Variants in SMARCC1 observed in about 807,000 individuals in gnomAD.
The protein encoded by SMARCC1 is SWI/SNF complex subunit SMARCC1.
A neutral mutation model predicts 147.4 loss-of-function variants in SMARCC1; 43 were observed. The observed-to-expected ratio is 0.29, with a 90% CI of 0.23 to 0.38. SMARCC1 has a LOEUF of 0.38. SMARCC1 is among the 10% of genes least tolerant of loss of function. SMARCC1 has a pLI of 1.00. For synonymous variants in SMARCC1, 495 were observed against 484.4 expected (o/e 1.02, Z -0.29); for missense variants, 1,119 against 1,381.1 (o/e 0.81, Z 3.01).
chr3:47,656,881 C>T (rs557074024), intron 21 of SMARCC1, among the ~76,000 whole-genome samples: 10 of 152,186 alleles, frequency 6.6e-5, no homozygotes, highest in Admixed American at 5.9e-4. Flanking sequence ...GAGCATGCCA[C>T]TAAACTCTAG....
intron 16 of SMARCC1, among the ~76,000 whole-genome samples, chr3:47,677,744 T>C (rs1419897660): frequency 6.6e-6 from 1 of 151,984 alleles, no homozygotes; most frequent in Non-Finnish European, 1.5e-5. Flanking sequence ...GGTTTCGCCA[T>C]GTTGGCCAGG....
At chr3:47,663,885 C>T in intron 19 of SMARCC1, 1 of 1,506,846 alleles carries the variant, frequency 6.6e-7, no homozygotes, top group East Asian at 2.3e-5. Context: ...TTCACGGTCA[C>T]AGCCATCTTG....
At chr3:47,662,129 G>C (rs1274068376) in intron 20 of SMARCC1, among the ~76,000 whole-genome samples, 1 of 151,784 alleles carries the variant, frequency 6.6e-6, no homozygotes, top group Non-Finnish European at 1.5e-5. Context: ...CAAGTAGCTG[G>C]GACTATAGGC....
chr3:47,769,914 T>G (rs2034886565), intron 2 of SMARCC1, among the ~76,000 whole-genome samples: 1 of 152,062 alleles, frequency 6.6e-6, no homozygotes, highest in South Asian at 2.1e-4. Flanking sequence ...CCTAAATGGA[T>G]AAGAGAGTGA....
intron 19 of SMARCC1, 73 bp from the exon 20 acceptor site, chr3:47,662,665 A>T: frequency 7.8e-7 from 1 of 1,289,750 alleles, no homozygotes. Context: ...AGTTCTTTAG[A>T]TAGCTTTTTT....
In SMARCC1 at chr3:47,709,639, T is replaced by C. The variant is rs540431697; in HGVS notation, c.918+1044A>G. On this transcript the variant is annotated intron_variant, in intron 9 of 27. Coordinates refer to ENST00000254480, the MANE Select transcript of SMARCC1 (RefSeq NM_003074.4). ...AGGTGGAGGTTGCAGTGAGCCGAGA[T>C]CGCGCCACTGCATTCCAGCCTGGGC... Among the ~76,000 whole-genome samples, 8 of 152,164 alleles carry C rather than the reference T, an allele frequency of 5.3e-5. No individual in the cohort carries two copies. In the South Asian group the frequency reaches 1.7e-3, roughly 32 times the overall value.
intron 21 of SMARCC1, among the ~76,000 whole-genome samples, chr3:47,652,588 T>C (rs1176312709): frequency 6.7e-6 from 1 of 149,160 alleles, no homozygotes; most frequent in Non-Finnish European, 1.5e-5. Flanking sequence ...TACACACTTA[T>C]GTAACCTCTC....
intron 24 of SMARCC1, among the ~76,000 whole-genome samples, chr3:47,624,309 A>C (rs1357553820): frequency 6.6e-6 from 1 of 152,112 alleles, no homozygotes; most frequent in African/African-American, 2.4e-5. Flanking sequence ...AAAAAATAAA[A>C]TAAAAGAGGC....
chr3:47,650,911 T>C (rs2033181805), intron 21 of SMARCC1, among the ~76,000 whole-genome samples: 1 of 152,238 alleles, frequency 6.6e-6, no homozygotes, highest in African/African-American at 2.4e-5. Context: ...AAATTTTCTT[T>C]GAAAATCAAA....
At chr3:47,681,783 AT>A (rs989727942) in intron 14 of SMARCC1, among the ~76,000 whole-genome samples, 11 of 152,208 alleles carry the variant, frequency 7.2e-5, no homozygotes, top group African/African-American at 2.7e-4. Flanking sequence ...TTAATGCTAT[AT>A]AAATATATAT....
In SMARCC1 at chr3:47,772,856, A is replaced by G. The variant is rs2034931362; in HGVS notation, c.276T>C (p.Phe92=). The G allele has an allele frequency of 6.8e-6, 11 of 1,613,334 alleles. No homozygotes were observed. Among genetic ancestry groups the G allele is most frequent in the Admixed American group, 1.7e-5 (1 of 59,926 alleles). ...VQLLQFQEDA[F]GKHVTNPAFT... The stretch of plus-strand genomic sequence containing the variant: ...AGGCCGGGTTGGTGACATGCTTCCC[A>G]AAGGCATCTTCCTGGAACTGAAGAA... Residue 92 remains phenylalanine (F), a synonymous_variant, in exon 2 of 28, where the codon TTT becomes TTC. Transcript: ENST00000254480.
chr3:47,765,357 T>C (rs2034825804), intron 2 of SMARCC1, among the ~76,000 whole-genome samples: 1 of 152,126 alleles, frequency 6.6e-6, no homozygotes, highest in African/African-American at 2.4e-5. Context: ...TTAGGGTTGT[T>C]AGCAATTTCT....
intron 21 of SMARCC1, among the ~76,000 whole-genome samples, chr3:47,653,966 T>C (rs778298847): frequency 2.6e-5 from 4 of 152,134 alleles, no homozygotes; most frequent in Non-Finnish European, 5.9e-5. Flanking sequence ...AATTCACTAA[T>C]GAATCAGGAG....
Position 47,588,134 on chromosome 3 carries a change from G to T in SMARCC1, c.*75C>A. 1 of 1,209,166 alleles carries T rather than the reference G, an allele frequency of 8.3e-7. No individual in the cohort carries two copies. Among genetic ancestry groups the T allele is most frequent in the Non-Finnish European group, 1.2e-6 (1 of 833,504 alleles). The allele number at this position is 1,209,166 out of a possible 1,614,324, so 74.9% of individuals were successfully genotyped here. A position where few individuals can be genotyped will look rare whatever the true frequency, so the allele number is the denominator to read the frequency against. The stretch of plus-strand genomic sequence containing the variant: ...AAAATCCTGAAAGAAACCCAAGAAA[G>T]TTGAGGAACACAAGTCTTGTCATCC... On this transcript the variant is annotated 3_prime_UTR_variant, in exon 28 of 28. Transcript: ENST00000254480.
chr3:47,776,151 C>T (rs1392996991), intron 1 of SMARCC1, among the ~76,000 whole-genome samples: 1 of 147,910 alleles, frequency 6.8e-6, no homozygotes, highest in Non-Finnish European at 1.5e-5. Flanking sequence ...CCGTCTCAAA[C>T]GAGAAAAAAA....
intron 10 of SMARCC1, among the ~76,000 whole-genome samples, chr3:47,705,586 G>A (rs2033982758): frequency 6.6e-6 from 1 of 152,086 alleles, no homozygotes; most frequent in Non-Finnish European, 1.5e-5. Context: ...CATGTTCTGG[G>A]AACAGAAATG....
intron 1 of SMARCC1, among the ~76,000 whole-genome samples, chr3:47,773,599 T>C (rs1264688964): frequency 6.6e-6 from 1 of 152,074 alleles, no homozygotes; most frequent in Non-Finnish European, 1.5e-5. Context: ...ACATGTTCAA[T>C]ATCACTTTGA....
chr3:47,701,522 G>T, intron 10 of SMARCC1, 120 bp from the exon 11 acceptor site: 1 of 988,236 alleles, frequency 1.0e-6, no homozygotes, highest in Non-Finnish European at 1.5e-6. Flanking sequence ...CACTTTAAAA[G>T]ACAAACAGTA....
chr3:47,633,773 T>C (rs1163046159), intron 24 of SMARCC1, among the ~76,000 whole-genome samples: 36 of 13,244 alleles, frequency 2.7e-3, no homozygotes, highest in African/African-American at 3.5e-3. Context: ...AATATATATA[T>C]ATATATACAC....
Sources: allele counts gnomAD v4.1 joint callset (sites outside exome capture counted in the v4.1 genomes callset), GRCh38; gene constraint gnomAD v4.1.1; transcripts MANE v1.5; gene names NCBI Gene and HGNC (gene_info 2026-07-23, HGNC 2026-07-21).